The following DLC1 variants were observed in gnomAD, a reference collection of about 807,000 sequenced individuals.
The protein encoded by DLC1 is DLC1 Rho GTPase activating protein.
Under a neutral mutation model 140.3 loss-of-function variants are expected in DLC1, and 54 were observed. The ratio of observed to expected loss-of-function variants is 0.38; its 90% CI spans 0.31 to 0.48. The LOEUF is 0.48. DLC1 is among the 20% of genes least tolerant of loss of function. The pLI is 0.96. For synonymous variants in DLC1, 986 were observed against 728.1 expected, an observed-to-expected ratio of 1.35 and a Z score of -5.70; for missense variants, 2,536 against 1,907.0, an observed-to-expected ratio of 1.33 and a Z score of -6.14.
At chr8:13,468,960 G>A (rs1800080137) in intron 2 of DLC1, among the ~76,000 whole-genome samples, 1 of 151,626 alleles carries the variant, frequency 6.6e-6, no homozygotes, top group African/African-American at 2.4e-5. Flanking sequence ...AGCTGGGACT[G>A]CAGGCATGCG....
At chr8:13,359,950 G>C (rs1196864140) in intron 4 of DLC1, among the ~76,000 whole-genome samples, 1 of 152,286 alleles carries the variant, frequency 6.6e-6, no homozygotes, top group Non-Finnish European at 1.5e-5. Context: ...ACAGAAATGA[G>C]ACACTTGTTA....
At chr8:13,111,261 G>T (rs567011878) in intron 6 of DLC1, among the ~76,000 whole-genome samples, 1 of 152,136 alleles carries the variant, frequency 6.6e-6, no homozygotes, top group Non-Finnish European at 1.5e-5. Context: ...GCCACAGAAA[G>T]ATCTAGAGAA....
intron 5 of DLC1, among the ~76,000 whole-genome samples, chr8:13,259,228 T>C (rs1018441575): frequency 1.3e-5 from 2 of 150,496 alleles, no homozygotes; most frequent in Non-Finnish European, 3.0e-5. Context: ...GCACCTGACA[T>C]GAAAAATAAA....
intron 5 of DLC1, among the ~76,000 whole-genome samples, chr8:13,286,683 T>C (rs1262369826): frequency 4.8e-5 from 7 of 145,044 alleles, no homozygotes; most frequent in African/African-American, 1.3e-4. Flanking sequence ...GTCTCTCTGA[T>C]AGCCAAAAAC....
chr8:13,430,178 G>A (rs979272034), intron 2 of DLC1, among the ~76,000 whole-genome samples: 1 of 152,122 alleles, frequency 6.6e-6, no homozygotes, highest in Non-Finnish European at 1.5e-5. Context: ...TTCTCAAATT[G>A]GAGAGCGCAT....
intron 1 of DLC1, among the ~76,000 whole-genome samples, chr8:13,596,945 G>C (rs1223022270): frequency 6.6e-6 from 1 of 151,744 alleles, no homozygotes; most frequent in Non-Finnish European, 1.5e-5. Context: ...CAGAACTCTG[G>C]AAGTTCTTGT....
chr8:13,439,041 C>A (rs1461227417), intron 2 of DLC1, among the ~76,000 whole-genome samples: 4 of 152,168 alleles, frequency 2.6e-5, no homozygotes, highest in African/African-American at 9.7e-5. Flanking sequence ...TAAAAACAGG[C>A]AGAGGCCGAG....
At chr8:13,299,537 G>A (rs572175087) in intron 5 of DLC1, among the ~76,000 whole-genome samples, 4 of 129,144 alleles carry the variant, frequency 3.1e-5, no homozygotes, top group African/African-American at 1.2e-4. Flanking sequence ...CTCTATCTCC[G>A]CCTATCATCT....
intron 7 of DLC1, among the ~76,000 whole-genome samples, chr8:13,109,558 AAAAATAAAAAAAAAT>A (rs1819887760): frequency 6.8e-6 from 1 of 147,288 alleles, no homozygotes; most frequent in Non-Finnish European, 1.5e-5. Context: ...CCTTGTCTTT[AAAAATAAAAAAAAAT>A]AAAATAAAAA....
chr8:13,483,055 A>G (rs1276748888), intron 2 of DLC1, among the ~76,000 whole-genome samples: 3 of 152,136 alleles, frequency 2.0e-5, no homozygotes, highest in Non-Finnish European at 2.9e-5. Context: ...CTTTTCTCAG[A>G]AGGCTCTAGG....
chr8:13,591,309 A>G (rs1343040519), intron 1 of DLC1, among the ~76,000 whole-genome samples: 1 of 152,070 alleles, frequency 6.6e-6, no homozygotes, highest in East Asian at 1.9e-4. Context: ...ATATCATGGG[A>G]GGGACGCAGT....
At chr8:13,213,713 A>C (rs1828056518) in intron 5 of DLC1, among the ~76,000 whole-genome samples, 1 of 152,060 alleles carries the variant, frequency 6.6e-6, no homozygotes, top group Admixed American at 6.6e-5. Flanking sequence ...TGTACAATAA[A>C]ATTTCAAACC....
At chr8:13,206,603 T>A (rs1198657584) in intron 5 of DLC1, among the ~76,000 whole-genome samples, 1 of 152,172 alleles carries the variant, frequency 6.6e-6, no homozygotes, top group Admixed American at 6.6e-5. Context: ...AATTCTAGGC[T>A]AAGTTTATGG....
At chr8:13,112,719 A>C (rs151262562) in intron 6 of DLC1, among the ~76,000 whole-genome samples, 21 of 152,222 alleles carry the variant, frequency 1.4e-4, no homozygotes, top group African/African-American at 4.3e-4. Flanking sequence ...TTGTTTTCAA[A>C]TTTTTTAAAT....
chr8:13,396,904 T>G (rs1357778447), intron 3 of DLC1, among the ~76,000 whole-genome samples: 3 of 152,168 alleles, frequency 2.0e-5, no homozygotes, highest in Non-Finnish European at 4.4e-5. Context: ...CCCTGGGTAC[T>G]CATTACAACT....
intron 2 of DLC1, among the ~76,000 whole-genome samples, chr8:13,443,377 A>T (rs559628465): frequency 1.4e-5 from 2 of 147,650 alleles, no homozygotes; most frequent in South Asian, 4.3e-4. Context: ...TGCCCAAATG[A>T]GGCCAGGCAT....
Position 13,267,178 on chromosome 8 carries a change from C to T in DLC1, c.1348+38091G>A, listed in dbSNP as rs111633132. On this transcript the variant is annotated intron_variant, in intron 5 of 17. Transcript: ENST00000276297. The stretch of plus-strand genomic sequence containing the variant: ...TCAGTGAAACATTAGTGTCCAAAGA[C>T]GGTCTTATCAGAGCTGAAAAACAAT... 8.1e-3 allele frequency among the ~76,000 whole-genome samples: 1,240 copies of T among 152,292 alleles called. 9 individuals carry two copies. The highest frequency in any genetic ancestry group is 0.014 in the South Asian group (66 of 4,826).
chr8:13,108,527 G>T (rs1479051316), intron 7 of DLC1, among the ~76,000 whole-genome samples: 1 of 152,220 alleles, frequency 6.6e-6, no homozygotes, highest in African/African-American at 2.4e-5. Context: ...GCAAAGTACA[G>T]AGGATACTTT....
rs183593196 is a variant in DLC1, at chr8:13,490,855, G to A, written c.1023+8194C>T. ...CTGTTAACAGCTGATGTAAATGTGC[G>A]ATTTTGGTTCAAATCACTGATTAGA... On this transcript the variant is annotated intron_variant, in intron 2 of 17. Transcript: ENST00000276297. 1.5e-3 allele frequency among the ~76,000 whole-genome samples: 222 copies of A among 151,860 alleles called. 1 individual carries two copies. Among genetic ancestry groups the A allele is most frequent in the Non-Finnish European group, 2.7e-3 (182 of 67,942 alleles).
Sources: allele counts gnomAD v4.1 joint callset (sites outside exome capture counted in the v4.1 genomes callset), GRCh38; gene constraint gnomAD v4.1.1; transcripts MANE v1.5; gene names NCBI Gene and HGNC (gene_info 2026-07-23, HGNC 2026-07-21).